Variants in DLG2 observed in about 807,000 individuals in gnomAD.
DLG2 encodes the protein discs large MAGUK scaffold protein 2, also known as disks large homolog 2.
In DLG2, 45 loss-of-function variants were observed where a neutral mutation model predicts 132.5. The ratio of observed to expected loss-of-function variants is 0.34; its 90% CI spans 0.27 to 0.44. The LOEUF (loss-of-function observed/expected upper bound fraction) is 0.44. DLG2 is among the 20% of genes least tolerant of loss of function. The pLI, the probability that DLG2 is intolerant of heterozygous loss-of-function variation, is 1.00. For missense variants in DLG2, 1,045 were observed against 1,196.9 expected (o/e 0.87, Z 1.87); for synonymous variants, 424 against 419.6 (o/e 1.01, Z -0.13).
At chr11:83,813,390 A>T (rs1254375525) in intron 17 of DLG2, among the ~76,000 whole-genome samples, 3 of 152,174 alleles carry the variant, frequency 2.0e-5, no homozygotes, top group South Asian at 4.1e-4. Context: ...ATCCTCTGAG[A>T]TTTGATAAAA....
At chr11:84,177,306 T>C (rs1357323794) in intron 8 of DLG2, among the ~76,000 whole-genome samples, 1 of 152,188 alleles carries the variant, frequency 6.6e-6, no homozygotes, top group African/African-American at 2.4e-5. Flanking sequence ...TTTCTTTCTC[T>C]AGCCCTCCTA....
At chr11:85,533,627 T>A (rs1162864073) in intron 3 of DLG2, among the ~76,000 whole-genome samples, 11 of 152,010 alleles carry the variant, frequency 7.2e-5, no homozygotes, top group Non-Finnish European at 1.5e-4. Context: ...GGTGTCCTTT[T>A]GTTAGAATAA....
chr11:83,459,287 A>G lies in DLG2; in HGVS notation c.*531T>C, dbSNP rs1217775996. On this transcript the variant is annotated 3_prime_UTR_variant, in exon 28 of 28. Transcript: ENST00000376104. The stretch of plus-strand genomic sequence containing the variant: ...GCAGATGCCAGTCAAAAAACTACAC[A>G]CTTATCCTTCCCTGATAGTATGTCA... 6.5e-6 allele frequency: 1 copy of G among 152,676 alleles called. No homozygotes were observed. Among genetic ancestry groups the G allele is most frequent in the African/African-American group, 2.4e-5 (1 of 41,418 alleles). 9.5% of individuals were successfully genotyped at this position (152,676 alleles called of 1,614,324 possible).
intron 21 of DLG2, among the ~76,000 whole-genome samples, chr11:83,492,747 A>C (rs1352148263): frequency 6.6e-6 from 1 of 152,018 alleles, no homozygotes; most frequent in Non-Finnish European, 1.5e-5. Flanking sequence ...CTGTGTTCTC[A>C]GCTTTAAAAT....
chr11:84,259,109 T>C (rs951737848), intron 7 of DLG2, among the ~76,000 whole-genome samples: 1 of 151,848 alleles, frequency 6.6e-6, no homozygotes, highest in Admixed American at 6.6e-5. Context: ...CTGTCTCTAC[T>C]AAAGATACAA....
intron 9 of DLG2, among the ~76,000 whole-genome samples, chr11:84,116,723 A>G (rs890045388): frequency 6.6e-6 from 1 of 152,210 alleles, no homozygotes; most frequent in Non-Finnish European, 1.5e-5. Flanking sequence ...AAGTAAAGCT[A>G]AAGTCCTAAC....
At chr11:83,468,846 A>G (rs528294959) in intron 25 of DLG2, among the ~76,000 whole-genome samples, 38 of 152,256 alleles carry the variant, frequency 2.5e-4, no homozygotes, top group Admixed American at 2.0e-3. Flanking sequence ...TCAGAGAGAG[A>G]GAAAAAAAAT....
chr11:83,904,628 A>G (rs1216830955), intron 15 of DLG2, among the ~76,000 whole-genome samples: 1 of 151,890 alleles, frequency 6.6e-6, no homozygotes, highest in Non-Finnish European at 1.5e-5. Flanking sequence ...AAAGATAGAC[A>G]CAGTATCTCT....
intron 7 of DLG2, among the ~76,000 whole-genome samples, chr11:84,258,390 T>G (rs1241759961): frequency 6.6e-6 from 1 of 152,100 alleles, no homozygotes; most frequent in Admixed American, 6.5e-5. Flanking sequence ...ACAAAGAATA[T>G]GACATAACCC....
At position 83,790,870 on chromosome 11, in the gene DLG2, A is replaced by G. The variant is rs114308687; in HGVS notation, c.1723-4078T>C. On this transcript the variant is annotated intron_variant, in intron 17 of 27. Transcript: ENST00000376104. ...GAACTGTCCAGACAATAGCTACTTG[A>G]TCCTTCCAAAGGACACATCCCCTCA... The G allele has an allele frequency of 1.9e-3, 1,395 of 746,472 alleles. 15 individuals are homozygous for G. In the African/African-American group the frequency reaches 0.022, roughly 12 times the overall value. 46.2% of individuals were successfully genotyped at this position (746,472 alleles called of 1,614,324 possible).
intron 7 of DLG2, among the ~76,000 whole-genome samples, chr11:84,334,138 A>G (rs2098473334): frequency 6.6e-6 from 1 of 152,232 alleles, no homozygotes; most frequent in South Asian, 2.1e-4. Context: ...AATGAGAATT[A>G]TTCTCAAAAA....
At chr11:85,009,509 CAAAT>C (rs1455683346) in intron 6 of DLG2, among the ~76,000 whole-genome samples, 2 of 151,866 alleles carry the variant, frequency 1.3e-5, no homozygotes, top group African/African-American at 4.8e-5. Flanking sequence ...CAAAATCAGA[CAAAT>C]AAGAGAAAAA....
At chr11:85,146,227 C>CCTCTCTCCCT (rs1555384683) in intron 5 of DLG2, among the ~76,000 whole-genome samples, 3 of 129,110 alleles carry the variant, frequency 2.3e-5, no homozygotes, top group African/African-American at 9.2e-5. Flanking sequence ...TCTGTTTCTC[C>CCTCTCTCCCT]CTCTCTCTCT....
chr11:85,134,528 C>CA (rs58266385), intron 5 of DLG2, among the ~76,000 whole-genome samples: 5,327 of 34,644 alleles, frequency 0.15, 868 homozygotes, highest in Non-Finnish European at 0.19. Flanking sequence ...GACTCCGTCT[C>CA]AAAAAAAAAA....
In DLG2 at chr11:84,535,954, C is replaced by CATATATATATATATATATATATATAT. The variant is rs778920932; in HGVS notation, c.358-1224_358-1223insATATATATATATATATATATATATAT. Among the ~76,000 whole-genome samples, 201 of 144,424 alleles carry CATATATATATATATATATATATATAT rather than the reference C, an allele frequency of 1.4e-3. 7 individuals are homozygous for CATATATATATATATATATATATATAT. Among genetic ancestry groups the CATATATATATATATATATATATATAT allele is most frequent in the African/African-American group, 4.8e-3 (185 of 38,166 alleles). 94.7% of individuals were successfully genotyped at this position (144,424 alleles called of 152,430 possible). A position where few individuals can be genotyped will look rare whatever the true frequency, so the allele number is the denominator to read the frequency against. On this transcript the variant is annotated intron_variant, in intron 6 of 27. Transcript: ENST00000376104. ...CATCAATGGTTAATTTTTTCATATA[C>CATATATATATATATATATATATATAT]ATATATATATAAAACTTCTAGGACA...
At chr11:84,682,257 C>G (rs912569630) in intron 6 of DLG2, among the ~76,000 whole-genome samples, 2 of 152,188 alleles carry the variant, frequency 1.3e-5, no homozygotes, top group Admixed American at 1.3e-4. Flanking sequence ...TAGTCACTGT[C>G]TGGCTATGTG....
intron 6 of DLG2, among the ~76,000 whole-genome samples, chr11:84,728,575 G>T (rs373797296): frequency 6.6e-6 from 1 of 152,144 alleles, no homozygotes; most frequent in Non-Finnish European, 1.5e-5. Context: ...TCTCTGCCAG[G>T]TGTTGGTATC....
At chr11:85,237,195 A>C (rs184773825) in intron 4 of DLG2, among the ~76,000 whole-genome samples, 195 of 152,194 alleles carry the variant, frequency 1.3e-3, no homozygotes, top group Non-Finnish European at 2.0e-3. Flanking sequence ...GCAGAAAAGA[A>C]TCTAGATTGA....
At chr11:85,041,816 G>A (rs1350115658) in intron 6 of DLG2, among the ~76,000 whole-genome samples, 1 of 151,878 alleles carries the variant, frequency 6.6e-6, no homozygotes, top group East Asian at 1.9e-4. Context: ...ATAAGCATCT[G>A]AGTAAATGGA....
Sources: allele counts gnomAD v4.1 joint callset (sites outside exome capture counted in the v4.1 genomes callset), GRCh38; gene constraint gnomAD v4.1.1; transcripts MANE v1.5; gene names NCBI Gene and HGNC (gene_info 2026-07-23, HGNC 2026-07-21).